Variants in ELAPOR2 observed in about 807,000 individuals in gnomAD.
The protein encoded by ELAPOR2 is endosome/lysosome-associated apoptosis and autophagy regulator family member 2.
Under a neutral mutation model 120.7 loss-of-function variants are expected in ELAPOR2, and 89 were observed. That is an observed-to-expected ratio of 0.74 (90% confidence interval 0.62 to 0.88). The LOEUF (loss-of-function observed/expected upper bound fraction) is 0.88. Among genes scored for constraint, ELAPOR2 ranks in the 40% least tolerant of loss-of-function variants. ELAPOR2 has a pLI of 0.00. For synonymous variants in ELAPOR2, 444 were observed against 444.9 expected (o/e 1.00, Z 0.03); for missense variants, 1,134 against 1,251.6 (o/e 0.91, Z 1.42).
chr7:86,925,941 T>C (rs1313125455), intron 9 of ELAPOR2, among the ~76,000 whole-genome samples: 4 of 151,754 alleles, frequency 2.6e-5, no homozygotes, highest in African/African-American at 9.7e-5. Context: ...CATCTGGGAG[T>C]AGCTGCTAAT....
At chr7:86,982,510 C>T (rs993722042) in intron 1 of ELAPOR2, among the ~76,000 whole-genome samples, 17 of 152,224 alleles carry the variant, frequency 1.1e-4, no homozygotes, top group Non-Finnish European at 1.2e-4. Flanking sequence ...ATTTGCTGTT[C>T]TGCAGCCTCC....
rs1799192365 is a variant in ELAPOR2 at position 86,876,988 on chromosome 7, C to G, written c.*3483G>C. 1 of 152,162 alleles carries G rather than the reference C, an allele frequency of 6.6e-6. No individual in the cohort carries two copies. The allele number at this position is 152,162 out of a possible 1,614,324, so 9.4% of individuals were successfully genotyped here. A position where few individuals can be genotyped will look rare whatever the true frequency, so the allele number is the denominator to read the frequency against. On this transcript the variant is annotated 3_prime_UTR_variant, in exon 22 of 22. Coordinates refer to ENST00000450689, the MANE Select transcript of ELAPOR2 (RefSeq NM_001142749.3). ...TTTGTATGTGGTTGCTTTCATACTACAATGGCAGAGTTGAGTAAATGCAAT... is the reference window on the plus strand; with the variant it reads ...TTTGTATGTGGTTGCTTTCATACTAGAATGGCAGAGTTGAGTAAATGCAAT...
At chr7:86,883,979 C>T (rs1366334696) in intron 21 of ELAPOR2, among the ~76,000 whole-genome samples, 1 of 151,880 alleles carries the variant, frequency 6.6e-6, no homozygotes, top group Non-Finnish European at 1.5e-5. Context: ...ACTTTGAAAC[C>T]GAACAACAGA....
chr7:87,024,987 G>GAA (rs200302607), intron 1 of ELAPOR2, among the ~76,000 whole-genome samples: 24 of 118,562 alleles, frequency 2.0e-4, no homozygotes, highest in Admixed American at 3.4e-4. Flanking sequence ...TTTTCCTACA[G>GAA]AAAAAAAAAA....
At chr7:86,912,452 C>A (rs1446627075) in intron 14 of ELAPOR2, among the ~76,000 whole-genome samples, 2 of 150,888 alleles carry the variant, frequency 1.3e-5, no homozygotes, top group Non-Finnish European at 2.9e-5. Flanking sequence ...CTTTTAAAGA[C>A]AGAGTAAAGT....
rs530696624 is a variant in ELAPOR2, at chr7:86,927,176, T to G, written c.1090-260A>C. On this transcript the variant is annotated intron_variant, in intron 8 of 21. Coordinates refer to ENST00000450689, the MANE Select transcript of ELAPOR2 (RefSeq NM_001142749.3). ...ATGTTCCTCATCATGAAATAACTCTTTAAAATGTAGGTAACCTGTTTATCA... is the reference window on the plus strand; with the variant it reads ...ATGTTCCTCATCATGAAATAACTCTGTAAAATGTAGGTAACCTGTTTATCA... Among the ~76,000 whole-genome samples, 349 of 152,030 alleles carry G rather than the reference T, an allele frequency of 2.3e-3. 2 individuals carry two copies. The highest frequency in any genetic ancestry group is 7.9e-3 in the African/African-American group (326 of 41,520).
chr7:87,027,815 C>T (rs1020522256), intron 1 of ELAPOR2, among the ~76,000 whole-genome samples: 3 of 152,032 alleles, frequency 2.0e-5, no homozygotes, highest in Admixed American at 1.3e-4. Flanking sequence ...GTTGTGTAAG[C>T]CACCCAGTTT....
rs183282154 is a variant in ELAPOR2 at position 87,012,207 on chromosome 7, T to C, written c.189+47118A>G. On this transcript the variant is annotated intron_variant, in intron 1 of 21. Coordinates refer to ENST00000450689, the MANE Select transcript of ELAPOR2 (RefSeq NM_001142749.3). ...TGGGCAGATCACAAGGTCAGGAGATTGAGACCATCCTGGCCAACATGGTGA... is the reference window on the plus strand; with the variant it reads ...TGGGCAGATCACAAGGTCAGGAGATCGAGACCATCCTGGCCAACATGGTGA... Among the ~76,000 whole-genome samples the C allele has an allele frequency of 8.5e-5, 13 of 152,166 alleles. No individual in the cohort carries two copies. In the East Asian group the frequency reaches 1.5e-3, roughly 18 times the overall value.
chr7:87,058,235 C>T (rs1434989984), intron 1 of ELAPOR2, among the ~76,000 whole-genome samples: 2 of 152,068 alleles, frequency 1.3e-5, no homozygotes, highest in African/African-American at 2.4e-5. Flanking sequence ...ATTCAAGTCT[C>T]GGTAAAATTC....
At chr7:87,037,656 T>A (rs1206522275) in intron 1 of ELAPOR2, among the ~76,000 whole-genome samples, 1 of 152,214 alleles carries the variant, frequency 6.6e-6, no homozygotes, top group African/African-American at 2.4e-5. Flanking sequence ...GCCAACAGAA[T>A]AATCTTTCTA....
intron 1 of ELAPOR2, among the ~76,000 whole-genome samples, chr7:87,013,491 G>T (rs1458567853): frequency 6.6e-6 from 1 of 152,158 alleles, no homozygotes; most frequent in African/African-American, 2.4e-5. Flanking sequence ...AGCAGATTAG[G>T]CAAGCAAGAC....
intron 1 of ELAPOR2, among the ~76,000 whole-genome samples, chr7:87,005,867 C>A (rs533079204): frequency 2.6e-5 from 4 of 152,086 alleles, no homozygotes; most frequent in South Asian, 2.1e-4. Context: ...GGAAAGATTT[C>A]TTTGACCAAA....
chr7:86,979,130 T>C (rs892380058), intron 1 of ELAPOR2, among the ~76,000 whole-genome samples: 6 of 152,172 alleles, frequency 3.9e-5, no homozygotes, highest in Non-Finnish European at 4.4e-5. Flanking sequence ...CTTTATAGCA[T>C]CTGAATAAAG....
chr7:86,943,760 T>C (rs11980043), intron 4 of ELAPOR2, among the ~76,000 whole-genome samples: 3,599 of 152,162 alleles, frequency 0.024, 130 homozygotes, highest in African/African-American at 0.082. Context: ...AATTGTTCAC[T>C]CTCAGAAGGA....
In ELAPOR2 at chr7:86,925,532, C is replaced by T. The variant is rs1350363637; in HGVS notation, c.1395G>A (p.Met465Ile). ...FNVGNSKCDG[M>I]NGWEVAGDHI... Reference sequence around the variant, plus strand: ...GTAGGCTGATTTTGAACTTACCATTCATTCCATCGCACTTTGAATTCCCAA... The same window carrying T: ...GTAGGCTGATTTTGAACTTACCATTTATTCCATCGCACTTTGAATTCCCAA... Residue 465 changes from methionine to isoleucine, a missense_variant, in exon 10 of 22, where the codon ATG becomes ATA. Transcript: ENST00000450689. 1 of 1,611,420 alleles carries T rather than the reference C, an allele frequency of 6.2e-7. No individual in the cohort carries two copies. Among genetic ancestry groups the T allele is most frequent in the South Asian group, 1.1e-5 (1 of 91,012 alleles).
rs1799195382 is a variant in ELAPOR2 at position 86,877,047 on chromosome 7, T to A, written c.*3424A>T. The A allele has an allele frequency of 6.6e-6, 1 of 152,166 alleles. No individual in the cohort carries two copies. Among genetic ancestry groups the A allele is most frequent in the South Asian group, 2.1e-4 (1 of 4,826 alleles). 9.4% of individuals were successfully genotyped at this position (152,166 alleles called of 1,614,324 possible). A position where few individuals can be genotyped will look rare whatever the true frequency, so the allele number is the denominator to read the frequency against. On this transcript the variant is annotated 3_prime_UTR_variant, in exon 22 of 22. Coordinates refer to ENST00000450689, the MANE Select transcript of ELAPOR2 (RefSeq NM_001142749.3). The stretch of plus-strand genomic sequence containing the variant: ...CATGCCCTGCAAAGCCAAAACTATG[T>A]ACTATCTGACCCTTTACAAAAAAAA...
intron 1 of ELAPOR2, among the ~76,000 whole-genome samples, chr7:86,966,491 C>T (rs920260945): frequency 6.6e-6 from 1 of 151,922 alleles, no homozygotes; most frequent in African/African-American, 2.4e-5. Context: ...ACATTTCTAC[C>T]AACAGTCTGT....
intron 4 of ELAPOR2, among the ~76,000 whole-genome samples, chr7:86,943,301 T>TG (rs1790875709): frequency 1.3e-5 from 2 of 149,098 alleles, no homozygotes; most frequent in Non-Finnish European, 1.5e-5. Context: ...CATCATCATT[T>TG]AAAAAAAAAA....
chr7:86,931,773 A>G (rs1790339754), intron 8 of ELAPOR2, among the ~76,000 whole-genome samples: 1 of 151,956 alleles, frequency 6.6e-6, no homozygotes, highest in East Asian at 1.9e-4. Flanking sequence ...CTTTTAATCT[A>G]TAATCACTAT....
Sources: gnomAD v4.1 joint callset for allele counts (sites outside exome capture counted in the v4.1 genomes callset) on GRCh38, gnomAD v4.1.1 for gene constraint, MANE v1.5 for transcripts, NCBI Gene and HGNC (gene_info 2026-07-23, HGNC 2026-07-21) for gene names.